The following SBNO2 variants were observed in gnomAD, a reference collection of about 807,000 sequenced individuals.
SBNO2 encodes strawberry notch homolog 2.
A neutral mutation model predicts 146.3 loss-of-function variants in SBNO2; 89 were observed. The observed-to-expected ratio is 0.61, with a 90% CI of 0.51 to 0.73. SBNO2 has a LOEUF of 0.73. Among genes scored for constraint, SBNO2 ranks in the 30% least tolerant of loss-of-function variants. The probability of loss-of-function intolerance (pLI) is 0.00; values close to 1 mark genes in which losing one functional copy is unlikely to be tolerated. For missense variants in SBNO2, 2,092 were observed against 2,003.7 expected, an observed-to-expected ratio of 1.04 and a Z score of -0.84; for synonymous variants, 1,147 against 892.6, an observed-to-expected ratio of 1.29 and a Z score of -5.08.
Position 1,110,702 on chromosome 19 carries a change from GCACCCACACC to G in SBNO2, c.3028+33_3028+42del, listed in dbSNP as rs751877475. 2 of 1,426,792 alleles carry G rather than the reference GCACCCACACC, an allele frequency of 1.4e-6. No individual in the cohort carries two copies. Among genetic ancestry groups the G allele is most frequent in the Non-Finnish European group, 1.9e-6 (2 of 1,054,286 alleles). 88.4% of individuals were successfully genotyped at this position (1,426,792 alleles called of 1,614,324 possible). A position where few individuals can be genotyped will look rare whatever the true frequency, so the allele number is the denominator to read the frequency against. Reference sequence around the variant, plus strand: ...GATGCATGGCGTTCCCACGAGCCCCGCACCCACACCCACCCACACCACACCCCGGCACCTG... The same window carrying G: ...GATGCATGGCGTTCCCACGAGCCCCGCACCCACACCACACCCCGGCACCTG... On this transcript the variant is annotated intron_variant, in intron 26 of 31. Coordinates refer to ENST00000361757, the MANE Select transcript of SBNO2 (RefSeq NM_014963.3). This position sits in a 1 kb window ranked among gnomAD's most constrained non-coding sequence, Gnocchi z 4.9.
chr19:1,172,778 G>GCCCC (rs201804891), intron 1 of SBNO2, among the ~76,000 whole-genome samples: 4 of 36,312 alleles, frequency 1.1e-4, no homozygotes, highest in Non-Finnish European at 1.8e-4. Context: ...CACTGCAACC[G>GCCCC]CCCCCCCCGC....
At chr19:1,132,433 C>A (rs999473689) in intron 4 of SBNO2, among the ~76,000 whole-genome samples, 1 of 152,216 alleles carries the variant, frequency 6.6e-6, no homozygotes, top group Non-Finnish European at 1.5e-5. Context: ...CAACCCCACC[C>A]GTGCCCCGCC....
In SBNO2 at chr19:1,122,099, T is replaced by C. The variant is rs2079907126; in HGVS notation, c.1149+40A>G. ...CATCCTCCTTTTCCCTCCGACCCCCTAATCCAGCCCTCCCCTCCCGATTGC... is the reference window on the plus strand; with the variant it reads ...CATCCTCCTTTTCCCTCCGACCCCCCAATCCAGCCCTCCCCTCCCGATTGC... On this transcript the variant is annotated intron_variant, in intron 11 of 31. Transcript: ENST00000361757. The C allele has an allele frequency of 1.2e-5, 9 of 780,136 alleles. No homozygotes were observed. In the South Asian group the frequency reaches 2.1e-4, roughly 18 times the overall value. 48.3% of individuals were successfully genotyped at this position (780,136 alleles called of 1,614,324 possible). A position where few individuals can be genotyped will look rare whatever the true frequency, so the allele number is the denominator to read the frequency against.
intron 17 of SBNO2, 37 bp from the exon 18 acceptor site, chr19:1,114,459 C>A (rs947635441): frequency 9.5e-6 from 14 of 1,470,502 alleles, no homozygotes; most frequent in Non-Finnish European, 1.3e-5. Flanking sequence ...GGCCAGACCG[C>A]AGCAAGGTGG....
intron 3 of SBNO2, among the ~76,000 whole-genome samples, chr19:1,147,888 C>T (rs1307764052): frequency 6.6e-6 from 1 of 152,150 alleles, no homozygotes; most frequent in Non-Finnish European, 1.5e-5. Context: ...GTCGGAACCC[C>T]CCGCCCTGTC....
At position 1,108,150 on chromosome 19, in the gene SBNO2, T is replaced by C. The variant is rs2079694533; in HGVS notation, c.*70A>G. On this transcript the variant is annotated 3_prime_UTR_variant, in exon 32 of 32. Transcript: ENST00000361757. ...AGCAGTGGTCAGGGGACCTTGGCCCTGCTCCCCACCGCTGCTCCTAGGGGA... is the reference window on the plus strand; with the variant it reads ...AGCAGTGGTCAGGGGACCTTGGCCCCGCTCCCCACCGCTGCTCCTAGGGGA... 5 of 1,426,968 alleles carry C rather than the reference T, an allele frequency of 3.5e-6. No homozygotes were observed. Among genetic ancestry groups the C allele is most frequent in the Admixed American group, 2.4e-5 (1 of 41,818 alleles). The allele number at this position is 1,426,968 out of a possible 1,614,324, so 88.4% of individuals were successfully genotyped here.
chr19:1,116,158 T>C, intron 16 of SBNO2, 55 bp from the exon 17 acceptor site: 1 of 1,540,798 alleles, frequency 6.5e-7, no homozygotes, highest in Non-Finnish European at 8.8e-7. Flanking sequence ...CCAGGCGGGG[T>C]TGCTCTCCAG....
At chr19:1,154,886 G>T (rs528387288) in intron 1 of SBNO2, among the ~76,000 whole-genome samples, 49 of 152,320 alleles carry the variant, frequency 3.2e-4, no homozygotes, top group African/African-American at 9.6e-4. Flanking sequence ...CCCAAGGAGG[G>T]GGGTCAGGGG....
chr19:1,125,163 C>T (rs2079950883), intron 5 of SBNO2, among the ~76,000 whole-genome samples: 1 of 148,932 alleles, frequency 6.7e-6, no homozygotes. Flanking sequence ...CCAGCCTGGC[C>T]AGCATGCTGA....
intron 4 of SBNO2, among the ~76,000 whole-genome samples, chr19:1,145,657 CT>C (rs902786531): frequency 6.6e-6 from 1 of 152,100 alleles, no homozygotes; most frequent in Non-Finnish European, 1.5e-5. Context: ...GGCTCCTCCC[CT>C]GTGCGTCCCC....
At position 1,109,476 on chromosome 19, in the gene SBNO2, C is replaced by T. The variant is rs932836613; in HGVS notation, c.3216+30G>A. ...CCCGGTCCGCCCCCCGCGGGCCCTC[C>T]TCTGGGGGGGTAACCCCGCCCGACC... On this transcript the variant is annotated intron_variant, in intron 28 of 31. Coordinates refer to ENST00000361757, the MANE Select transcript of SBNO2 (RefSeq NM_014963.3). This position sits in a 1 kb window ranked among gnomAD's most constrained non-coding sequence, Gnocchi z 4.2. 4.4e-6 allele frequency: 7 copies of T among 1,576,496 alleles called. No individual in the cohort carries two copies. The highest frequency in any genetic ancestry group is 1.4e-5 in the African/African-American group (1 of 74,068).
In SBNO2 at chr19:1,119,623, T is replaced by G; in HGVS notation, c.1268-2A>C. 1 of 1,603,954 alleles carries G rather than the reference T, an allele frequency of 6.2e-7. No homozygotes were observed. The highest frequency in any genetic ancestry group is 8.5e-7 in the Non-Finnish European group (1 of 1,175,474). On this transcript the variant is annotated splice_acceptor_variant, in intron 12 of 31. Transcript: ENST00000361757. LOFTEE classifies it high-confidence loss of function. The stretch of plus-strand genomic sequence containing the variant: ...TCATGTTCCGAGGCTCAGAGGCACC[T>G]GTGGGGGGAAGCTGCCGTCAGCTCC...
intron 1 of SBNO2, among the ~76,000 whole-genome samples, chr19:1,169,609 A>G (rs2080458735): frequency 6.6e-6 from 1 of 152,164 alleles, no homozygotes; most frequent in Non-Finnish European, 1.5e-5. Flanking sequence ...TGATGCCATC[A>G]CTGTTGCCGT....
intron 5 of SBNO2, 173 bp from the exon 6 acceptor site, chr19:1,124,195 G>A: frequency 1.5e-6 from 1 of 650,156 alleles, no homozygotes; most frequent in Non-Finnish European, 2.7e-6. Context: ...TGACCCTGGT[G>A]CCTCCCAAGC....
At chr19:1,139,616 G>A (rs1349306114) in intron 4 of SBNO2, among the ~76,000 whole-genome samples, 1 of 152,082 alleles carries the variant, frequency 6.6e-6, no homozygotes, top group East Asian at 1.9e-4. Flanking sequence ...CCAACGTGGT[G>A]AAACCCCGTC....
At chr19:1,113,820 C>T (rs1419924916) in intron 18 of SBNO2, 116 bp from the exon 19 acceptor site, 21 of 1,307,138 alleles carry the variant, frequency 1.6e-5, no homozygotes, top group Non-Finnish European at 1.9e-5. Flanking sequence ...CCCTGAGGGA[C>T]GGCAGGGTGG....
At chr19:1,146,453 C>G (rs1191778166) in intron 4 of SBNO2, among the ~76,000 whole-genome samples, 1 of 152,124 alleles carries the variant, frequency 6.6e-6, no homozygotes, top group Non-Finnish European at 1.5e-5. Context: ...TTGCGCCCAT[C>G]CCCCCAACAG....
chr19:1,123,265 G>T (rs1252852609), intron 7 of SBNO2, among the ~76,000 whole-genome samples: 1 of 152,072 alleles, frequency 6.6e-6, no homozygotes, highest in Non-Finnish European at 1.5e-5. Flanking sequence ...CGGCCTGCTG[G>T]GTTGGTTGGG....
intron 1 of SBNO2, among the ~76,000 whole-genome samples, chr19:1,166,423 G>C (rs1282627040): frequency 1.3e-5 from 2 of 152,178 alleles, no homozygotes; most frequent in Non-Finnish European, 2.9e-5. Flanking sequence ...AGGGTGGTGC[G>C]GCTTTCTGTG....
Sources: gnomAD v4.1 joint callset for allele counts (sites outside exome capture counted in the v4.1 genomes callset) on GRCh38, gnomAD v4.1.1 for gene constraint, Gnocchi (gnomAD v3.1) non-coding constraint, MANE v1.5 for transcripts, NCBI Gene and HGNC (gene_info 2026-07-23, HGNC 2026-07-21) for gene names.